The following FSTL4 variants were observed in gnomAD, a reference collection of about 807,000 sequenced individuals.
FSTL4 encodes the protein follistatin-related protein 4.
FSTL4 carries 28 observed loss-of-function variants against 78.2 expected under a neutral mutation model. The observed-to-expected ratio is 0.36, with a 90% CI of 0.27 to 0.49. The LOEUF (loss-of-function observed/expected upper bound fraction) is 0.49. FSTL4 is among the 20% of genes least tolerant of loss of function. FSTL4 has a pLI of 0.98. For missense variants in FSTL4, 922 were observed against 1,084.9 expected, an observed-to-expected ratio of 0.85 and a Z score of 2.11; for synonymous variants, 422 against 440.5, an observed-to-expected ratio of 0.96 and a Z score of 0.53.
At chr5:133,525,068 G>T (rs947403227) in intron 3 of FSTL4, among the ~76,000 whole-genome samples, 1 of 152,166 alleles carries the variant, frequency 6.6e-6, no homozygotes, top group Non-Finnish European at 1.5e-5. Context: ...CAGCAGACGG[G>T]TGCCCCAGCC....
chr5:133,597,826 G>A (rs1760769158), intron 2 of FSTL4, among the ~76,000 whole-genome samples: 1 of 152,212 alleles, frequency 6.6e-6, no homozygotes, highest in African/African-American at 2.4e-5. Flanking sequence ...GGACAGAGAT[G>A]GGATAGGACA....
At chr5:133,726,050 C>G in the FSTL4 span, among the ~76,000 whole-genome samples, 1 of 152,178 alleles carries the variant, frequency 6.6e-6, no homozygotes, top group Non-Finnish European at 1.5e-5. Context: ...TTACATTTAC[C>G]TTCTCCAGAA....
chr5:133,439,939 G>GGACAC (rs1389519379), intron 3 of FSTL4, among the ~76,000 whole-genome samples: 2 of 152,190 alleles, frequency 1.3e-5, no homozygotes, highest in Non-Finnish European at 2.9e-5. Context: ...TTCAGGGCGT[G>GGACAC]GACACCCTGG....
intron 6 of FSTL4, among the ~76,000 whole-genome samples, chr5:133,276,373 A>T (rs116642702): frequency 0.048 from 7,237 of 152,276 alleles, 594 homozygotes; most frequent in African/African-American, 0.16. Context: ...GGGCCCCGGA[A>T]GGTCTGTCCC....
the FSTL4 span, among the ~76,000 whole-genome samples, chr5:133,697,390 A>G: frequency 6.6e-6 from 1 of 152,190 alleles, no homozygotes; most frequent in East Asian, 1.9e-4. Flanking sequence ...GTATGGGATC[A>G]GCAGGTTCCT....
the FSTL4 span, among the ~76,000 whole-genome samples, chr5:133,628,757 A>T: frequency 2.0e-5 from 3 of 151,876 alleles, no homozygotes; most frequent in East Asian, 3.8e-4. Flanking sequence ...AGACACAATT[A>T]AAAAAATGAA....
At chr5:133,573,552 A>G (rs1435255252) in intron 2 of FSTL4, among the ~76,000 whole-genome samples, 1 of 152,232 alleles carries the variant, frequency 6.6e-6, no homozygotes, top group Non-Finnish European at 1.5e-5. Context: ...CATACCTAGT[A>G]GCATAGTCTA....
intron 6 of FSTL4, among the ~76,000 whole-genome samples, chr5:133,289,895 T>C (rs1458701102): frequency 6.6e-6 from 1 of 152,200 alleles, no homozygotes; most frequent in Non-Finnish European, 1.5e-5. Context: ...GAAACAGAAA[T>C]GAAGCAATGA....
intron 7 of FSTL4, among the ~76,000 whole-genome samples, chr5:133,243,226 G>A (rs1338572000): frequency 2.7e-5 from 4 of 150,292 alleles, no homozygotes; most frequent in Admixed American, 1.3e-4. Flanking sequence ...CCCAAATAGC[G>A]AGATTCAGTG....
chr5:133,828,349 T>C, the FSTL4 span, among the ~76,000 whole-genome samples: 1 of 152,242 alleles, frequency 6.6e-6, no homozygotes, highest in African/African-American at 2.4e-5. Context: ...CGCACTAAAG[T>C]GTTCACAATG....
intron 13 of FSTL4, among the ~76,000 whole-genome samples, chr5:133,212,900 C>G (rs1031386848): frequency 5.9e-5 from 9 of 151,482 alleles, no homozygotes; most frequent in Non-Finnish European, 1.0e-4. Context: ...AAAATAGCAA[C>G]AATAAGACTA....
chr5:133,540,925 C>T (rs913568436), intron 3 of FSTL4, among the ~76,000 whole-genome samples: 1 of 152,118 alleles, frequency 6.6e-6, no homozygotes, highest in Non-Finnish European at 1.5e-5. Context: ...CTTCTTGGAA[C>T]ATTTTCCTCC....
chr5:133,359,823 C>T (rs1247089813), intron 4 of FSTL4, among the ~76,000 whole-genome samples: 1 of 152,226 alleles, frequency 6.6e-6, no homozygotes, highest in African/African-American at 2.4e-5. Context: ...TTTTCCTACC[C>T]GTTCTGCTGC....
At chr5:133,717,803 T>C in the FSTL4 span, among the ~76,000 whole-genome samples, 1 of 152,254 alleles carries the variant, frequency 6.6e-6, no homozygotes, top group Non-Finnish European at 1.5e-5. Flanking sequence ...AGATACACCA[T>C]ACTGTCTATT....
intron 3 of FSTL4, among the ~76,000 whole-genome samples, chr5:133,522,345 G>A (rs1013968760): frequency 6.6e-6 from 1 of 152,082 alleles, no homozygotes. Flanking sequence ...TTAAACAGTT[G>A]GTCAGCATTC....
chr5:133,334,198 C>T (rs1754413786), intron 4 of FSTL4: 1 of 152,280 alleles, frequency 6.6e-6, no homozygotes, highest in African/African-American at 2.4e-5. Context: ...ACCATGACGA[C>T]AAGTTCCTAG....
chr5:133,796,579 C>G, the FSTL4 span, among the ~76,000 whole-genome samples: 1 of 152,090 alleles, frequency 6.6e-6, no homozygotes, highest in East Asian at 1.9e-4. Flanking sequence ...GTCCAGCAGC[C>G]AAATCCCTCT....
chr5:133,779,534 C>T, the FSTL4 span, among the ~76,000 whole-genome samples: 17 of 151,850 alleles, frequency 1.1e-4, no homozygotes, highest in Non-Finnish European at 2.1e-4. Flanking sequence ...TGCAGTGAGC[C>T]GAGATCTCGC....
rs146175550 is a variant in FSTL4, at chr5:133,373,139, G to C, written c.409+27599C>G. Among the ~76,000 whole-genome samples the C allele has an allele frequency of 4.5e-3, 683 of 152,276 alleles. 11 individuals are homozygous for C. Among genetic ancestry groups the C allele is most frequent in the African/African-American group, 0.016 (650 of 41,560 alleles). On this transcript the variant is annotated intron_variant, in intron 4 of 15. Transcript: ENST00000265342. ...GCTAAGAAGCCACCCCAAAAAGGTG[G>C]AATAAAATTTTCATAGTTGTCTAAA...
Sources: allele counts gnomAD v4.1 joint callset (sites outside exome capture counted in the v4.1 genomes callset), GRCh38; gene constraint gnomAD v4.1.1; transcripts MANE v1.5; gene names NCBI Gene and HGNC (gene_info 2026-07-23, HGNC 2026-07-21).